IGFBP2: variants seen among roughly 807,000 people sequenced by gnomAD.
The protein encoded by IGFBP2 is insulin-like growth factor-binding protein 2.
In IGFBP2, 12 loss-of-function variants were observed where a neutral mutation model predicts 26.2. The observed-to-expected ratio is 0.46, with a 90% CI of 0.29 to 0.74. The LOEUF (loss-of-function observed/expected upper bound fraction) is 0.74. Ranked by LOEUF, IGFBP2 falls within the 30% of genes least tolerant of loss-of-function variation. IGFBP2 has a pLI of 0.09. For synonymous variants in IGFBP2, 189 were observed against 200.6 expected (o/e 0.94, Z 0.49); for missense variants, 328 against 441.2 (o/e 0.74, Z 2.30).
At position 216,636,925 on chromosome 2, in the gene IGFBP2, AGGCGGGCGGGCG is replaced by A. The variant is rs57676275; in HGVS notation, c.442+2976_442+2987del. 3.0e-3 allele frequency among the ~76,000 whole-genome samples: 318 copies of A among 104,958 alleles called. 7 individuals are homozygous for A. The highest frequency in any genetic ancestry group is 9.2e-3 in the Middle Eastern group (2 of 218). The allele number at this position is 104,958 out of a possible 152,430, so 68.9% of individuals were successfully genotyped here. On this transcript the variant is annotated intron_variant, in intron 1 of 3. Transcript: ENST00000233809. ...AGGGCGGGCAGACAGGCAGGCAGGC[AGGCGGGCGGGCG>A]GGCGGGCGGGCGGGCCTGGGGAGGC...
intron 1 of IGFBP2, among the ~76,000 whole-genome samples, chr2:216,652,346 A>G (rs1697843538): frequency 6.6e-6 from 1 of 151,558 alleles, no homozygotes; most frequent in African/African-American, 2.4e-5. Context: ...GCTAATTTTT[A>G]TGTATTTTTA....
In IGFBP2 at chr2:216,664,321, G is replaced by A. The variant is rs1688719092; in HGVS notation, c.*217G>A. 3 of 422,720 alleles carry A rather than the reference G, an allele frequency of 7.1e-6. No individual in the cohort carries two copies. The highest frequency in any genetic ancestry group is 2.0e-5 in the African/African-American group (1 of 50,172). 26.2% of individuals were successfully genotyped at this position (422,720 alleles called of 1,614,324 possible). On this transcript the variant is annotated 3_prime_UTR_variant, in exon 4 of 4. Transcript: ENST00000233809. This position sits in a 1 kb window ranked among gnomAD's most constrained non-coding sequence, Gnocchi z 4.6. ...CTGCTCCTTCTTGCTTTCCCCGGGG[G>A]AGGAAGGGGGTTGTGGTCGGGGAGC...
intron 1 of IGFBP2, among the ~76,000 whole-genome samples, chr2:216,639,178 A>G (rs1697564416): frequency 6.6e-6 from 1 of 152,076 alleles, no homozygotes; most frequent in South Asian, 2.1e-4. Context: ...GAATTCACGC[A>G]TGCACCACCA....
At chr2:216,638,520 A>G (rs1236507230) in intron 1 of IGFBP2, among the ~76,000 whole-genome samples, 2 of 152,056 alleles carry the variant, frequency 1.3e-5, no homozygotes, top group African/African-American at 4.8e-5. Flanking sequence ...ATAAAATAAA[A>G]TAAAAATAAA....
At chr2:216,638,802 C>G (rs752508420) in intron 1 of IGFBP2, among the ~76,000 whole-genome samples, 1 of 151,294 alleles carries the variant, frequency 6.6e-6, no homozygotes, top group African/African-American at 2.4e-5. Flanking sequence ...TGGGTTCACG[C>G]CATTCTCCTG....
At chr2:216,654,122 A>G (rs1030195208) in intron 1 of IGFBP2, among the ~76,000 whole-genome samples, 2 of 152,204 alleles carry the variant, frequency 1.3e-5, no homozygotes, top group Non-Finnish European at 2.9e-5. Context: ...GGCAAATTCC[A>G]TCTCTAGCTG....
At chr2:216,649,737 C>A (rs183342082) in intron 1 of IGFBP2, among the ~76,000 whole-genome samples, 2 of 152,280 alleles carry the variant, frequency 1.3e-5, no homozygotes, top group East Asian at 3.9e-4. Flanking sequence ...CCCTGACCCT[C>A]CCCAGGTCTT....
intron 1 of IGFBP2, 90 bp from the exon 2 acceptor site, chr2:216,660,467 T>G (rs991146460): frequency 1.1e-6 from 1 of 916,156 alleles, no homozygotes; most frequent in Admixed American, 2.6e-5. Context: ...ATCTCCACCC[T>G]CATCATCATT....
intron 1 of IGFBP2, among the ~76,000 whole-genome samples, chr2:216,651,301 T>C (rs1697819951): frequency 6.6e-6 from 1 of 152,180 alleles, no homozygotes; most frequent in Admixed American, 6.5e-5. Context: ...TTGAACATAG[T>C]GGCCACATGC....
chr2:216,660,295 C>T (rs938346054), intron 1 of IGFBP2, among the ~76,000 whole-genome samples: 3 of 152,126 alleles, frequency 2.0e-5, no homozygotes, highest in Admixed American at 2.0e-4. Flanking sequence ...TGATCTTGGT[C>T]AAGTAACTGA....
intron 3 of IGFBP2, chr2:216,663,173 A>G (rs1184893109): frequency 6.6e-6 from 1 of 152,276 alleles, no homozygotes; most frequent in Non-Finnish European, 1.5e-5. Context: ...ATTTGTGTAC[A>G]TGCCCTCTAA....
At chr2:216,641,174 A>G (rs940973114) in intron 1 of IGFBP2, among the ~76,000 whole-genome samples, 4 of 152,192 alleles carry the variant, frequency 2.6e-5, no homozygotes. Context: ...TACCTGGCAC[A>G]TAGTATGTTC....
chr2:216,633,095 C>T (rs1697410082), upstream of IGFBP2: 1 of 152,242 alleles, frequency 6.6e-6, no homozygotes, highest in Admixed American at 6.5e-5. Context: ...CAAACGAAGT[C>T]CTCGCGAACT....
intron 1 of IGFBP2, among the ~76,000 whole-genome samples, chr2:216,646,368 C>G (rs1480943567): frequency 6.6e-6 from 1 of 152,192 alleles, no homozygotes; most frequent in Admixed American, 6.5e-5. Context: ...CCCATCCCAT[C>G]TCATGGTTCC....
intron 1 of IGFBP2, among the ~76,000 whole-genome samples, chr2:216,656,343 C>T (rs1436564244): frequency 6.6e-6 from 1 of 152,130 alleles, no homozygotes; most frequent in East Asian, 1.9e-4. Context: ...ATTGTGGCTG[C>T]AGATGGAAGG....
intron 3 of IGFBP2, chr2:216,662,500 A>G (rs9341211): frequency 0.023 from 3,656 of 161,272 alleles, 155 homozygotes; most frequent in African/African-American, 0.083. Context: ...AGAGTCAGGC[A>G]TGGAGAAATG....
chr2:216,638,238 C>T (rs992848368), intron 1 of IGFBP2, among the ~76,000 whole-genome samples: 3 of 151,664 alleles, frequency 2.0e-5, no homozygotes, highest in African/African-American at 7.3e-5. Context: ...GGCGCGGTGG[C>T]TCACGCCTGT....
intron 1 of IGFBP2, among the ~76,000 whole-genome samples, chr2:216,658,761 A>G (rs1186994575): frequency 6.6e-6 from 1 of 151,998 alleles, no homozygotes. Context: ...CATGTTGGCC[A>G]GGCTGGTCTT....
At chr2:216,642,770 G>A (rs1697642036) in intron 1 of IGFBP2, among the ~76,000 whole-genome samples, 1 of 152,162 alleles carries the variant, frequency 6.6e-6, no homozygotes, top group Admixed American at 6.6e-5. Context: ...TGGACATCTG[G>A]GTTCTCATGC....
Sources: allele counts gnomAD v4.1 joint callset (sites outside exome capture counted in the v4.1 genomes callset), GRCh38; gene constraint gnomAD v4.1.1; non-coding constraint Gnocchi (gnomAD v3.1); transcripts MANE v1.5; gene names NCBI Gene and HGNC (gene_info 2026-07-23, HGNC 2026-07-21).